Variants in NFIL3 observed in about 807,000 individuals in gnomAD.
NFIL3 encodes the protein nuclear factor interleukin-3-regulated protein.
NFIL3 carries 5 observed loss-of-function variants against 10.0 expected under a neutral mutation model. The ratio of observed to expected loss-of-function variants is 0.50; its 90% CI spans 0.26 to 1.06. The LOEUF (loss-of-function observed/expected upper bound fraction) is 1.06. NFIL3 is among the 50% of genes least tolerant of loss of function. The pLI, the probability that NFIL3 is intolerant of heterozygous loss-of-function variation, is 0.13. For synonymous variants in NFIL3, 202 were observed against 206.5 expected, an observed-to-expected ratio of 0.98 and a Z score of 0.19; for missense variants, 436 against 547.6, an observed-to-expected ratio of 0.80 and a Z score of 2.03.
chr9:91,458,882 A>C, the NFIL3 span, among the ~76,000 whole-genome samples: 2 of 152,260 alleles, frequency 1.3e-5, no homozygotes, highest in East Asian at 3.9e-4. Context: ...ACCAAGGATG[A>C]GGTTGGGGCA....
At chr9:91,443,332 A>T in the NFIL3 span, among the ~76,000 whole-genome samples, 2 of 152,208 alleles carry the variant, frequency 1.3e-5, no homozygotes, top group African/African-American at 2.4e-5. Flanking sequence ...GCTTCAGGCC[A>T]TCTGGGATTT....
At chr9:91,438,596 A>C in the NFIL3 span, among the ~76,000 whole-genome samples, 6 of 152,154 alleles carry the variant, frequency 3.9e-5, no homozygotes, top group South Asian at 2.1e-4. Context: ...GCTAATGTTC[A>C]GGCACTTTTC....
the NFIL3 span, among the ~76,000 whole-genome samples, chr9:91,455,189 T>A: frequency 1.3e-5 from 2 of 152,194 alleles, 1 homozygote; most frequent in South Asian, 4.1e-4. Context: ...GTAATAAACA[T>A]CTTGAGGGAG....
At chr9:91,473,769 A>G in the NFIL3 span, among the ~76,000 whole-genome samples, 1 of 152,256 alleles carries the variant, frequency 6.6e-6, no homozygotes, top group Non-Finnish European at 1.5e-5. Flanking sequence ...TTAGAAATGT[A>G]GAAATCACCT....
the NFIL3 span, among the ~76,000 whole-genome samples, chr9:91,436,685 T>C: frequency 6.6e-6 from 1 of 152,210 alleles, no homozygotes; most frequent in African/African-American, 2.4e-5. Context: ...CTACGTCATA[T>C]GCCAGGACCC....
the NFIL3 span, among the ~76,000 whole-genome samples, chr9:91,450,216 A>ATTTATT: frequency 1.3e-5 from 2 of 152,020 alleles, no homozygotes; most frequent in Non-Finnish European, 2.9e-5. Context: ...CTGCTATCTA[A>ATTTATT]CCTTTATTCT....
At chr9:91,416,158 C>CTT (rs76390990) in intron 1 of NFIL3, among the ~76,000 whole-genome samples, 2,807 of 139,478 alleles carry the variant, frequency 0.02, 41 homozygotes, top group Middle Eastern at 0.038. Context: ...TGATCTTCTT[C>CTT]TTTTTTTTTT....
At chr9:91,460,271 C>CTTT in the NFIL3 span, among the ~76,000 whole-genome samples, 46 of 70,416 alleles carry the variant, frequency 6.5e-4, 5 homozygotes, top group African/African-American at 1.6e-3. Flanking sequence ...GGGCTTGGTT[C>CTTT]TTTTTTTTTT....
chr9:91,420,993 C>G (rs962650399), intron 1 of NFIL3, among the ~76,000 whole-genome samples: 9 of 152,186 alleles, frequency 5.9e-5, no homozygotes, highest in Non-Finnish European at 1.3e-4. Context: ...CCTCCACCCC[C>G]AATTTCTGTG....
intron 1 of NFIL3, among the ~76,000 whole-genome samples, chr9:91,421,372 C>T (rs2482707): frequency 0.07 from 10,567 of 151,870 alleles, 462 homozygotes; most frequent in Admixed American, 0.097. Context: ...TCCCAGAGAC[C>T]CTCCTCCCTC....
chr9:91,445,805 G>T, the NFIL3 span, among the ~76,000 whole-genome samples: 1 of 152,134 alleles, frequency 6.6e-6, no homozygotes, highest in Non-Finnish European at 1.5e-5. Context: ...AGGGCAGGGT[G>T]CTCCAGTGAC....
the NFIL3 span, among the ~76,000 whole-genome samples, chr9:91,431,444 C>A: frequency 6.6e-6 from 1 of 152,100 alleles, no homozygotes; most frequent in Non-Finnish European, 1.5e-5. Context: ...ATGCACACAC[C>A]GTCTTGGGCG....
the NFIL3 span, among the ~76,000 whole-genome samples, chr9:91,481,310 T>C: frequency 1.3e-5 from 2 of 152,222 alleles, no homozygotes; most frequent in Non-Finnish European, 2.9e-5. Flanking sequence ...TAAAACGTAG[T>C]TGGTTTTATT....
At chr9:91,430,420 A>G in the NFIL3 span, among the ~76,000 whole-genome samples, 1 of 152,100 alleles carries the variant, frequency 6.6e-6, no homozygotes, top group East Asian at 1.9e-4. Context: ...TTTACTGACT[A>G]CTTAGCAGGG....
rs79387467 is a variant in NFIL3, at chr9:91,412,331, T to C, written c.-172-1425A>G. The stretch of plus-strand genomic sequence containing the variant: ...TCTTCCATTGATGAAATACTTACAC[T>C]ACAAATTTGGCCTGACAGTTGCCTT... On this transcript the variant is annotated intron_variant, in intron 1 of 1. Coordinates refer to ENST00000297689, the MANE Select transcript of NFIL3 (RefSeq NM_005384.3). 7.7e-4 allele frequency among the ~76,000 whole-genome samples: 117 copies of C among 152,248 alleles called. 2 individuals carry two copies. In the East Asian group the frequency reaches 0.02, roughly 27 times the overall value.
chr9:91,466,098 G>A, the NFIL3 span, among the ~76,000 whole-genome samples: 1 of 151,948 alleles, frequency 6.6e-6, no homozygotes, highest in African/African-American at 2.4e-5. Context: ...TCTTTGTGTT[G>A]GCTGGTGTGA....
the NFIL3 span, among the ~76,000 whole-genome samples, chr9:91,452,859 G>A: frequency 6.6e-6 from 1 of 151,288 alleles, no homozygotes; most frequent in Admixed American, 6.6e-5. Flanking sequence ...ACCTCCTGAG[G>A]CTGTGTCATA....
the NFIL3 span, among the ~76,000 whole-genome samples, chr9:91,442,718 C>T: frequency 1.3e-5 from 2 of 152,094 alleles, no homozygotes; most frequent in East Asian, 1.9e-4. Context: ...TGTGGGTGCC[C>T]ACATCTGGAC....
the NFIL3 span, among the ~76,000 whole-genome samples, chr9:91,473,609 C>G: frequency 1.3e-5 from 2 of 152,250 alleles, no homozygotes; most frequent in African/African-American, 4.8e-5. Context: ...CAGGTACTGT[C>G]TGTCACAGCT....
Sources: gnomAD v4.1 joint callset for allele counts (sites outside exome capture counted in the v4.1 genomes callset) on GRCh38, gnomAD v4.1.1 for gene constraint, MANE v1.5 for transcripts, NCBI Gene and HGNC (gene_info 2026-07-23, HGNC 2026-07-21) for gene names.